PTPRN2: variants seen among roughly 807,000 people sequenced by gnomAD.
PTPRN2 encodes the protein receptor-type tyrosine-protein phosphatase N2.
Under a neutral mutation model 118.8 loss-of-function variants are expected in PTPRN2, and 74 were observed. The observed-to-expected ratio is 0.62, with a 90% CI of 0.52 to 0.76. PTPRN2 has a LOEUF of 0.76. PTPRN2 is among the 30% of genes least tolerant of loss of function. The pLI is 0.00. For synonymous variants in PTPRN2, 641 were observed against 608.0 expected, an observed-to-expected ratio of 1.05 and a Z score of -0.80; for missense variants, 1,481 against 1,394.4, an observed-to-expected ratio of 1.06 and a Z score of -0.99.
At chr7:157,920,658 C>A (rs1240645994) in intron 11 of PTPRN2, among the ~76,000 whole-genome samples, 1 of 152,154 alleles carries the variant, frequency 6.6e-6, no homozygotes, top group Non-Finnish European at 1.5e-5. Context: ...GGCAAAGCAG[C>A]AAGGGAACTC....
chr7:157,824,167 C>G (rs1031152177), intron 12 of PTPRN2, among the ~76,000 whole-genome samples: 7 of 152,162 alleles, frequency 4.6e-5, no homozygotes, highest in Non-Finnish European at 4.4e-5. Context: ...CTGTGACCCT[C>G]CTGAAGGTAG....
chr7:158,560,167 A>G (rs527599166), intron 1 of PTPRN2, among the ~76,000 whole-genome samples: 14 of 152,252 alleles, frequency 9.2e-5, no homozygotes, highest in Non-Finnish European at 2.1e-4. Context: ...AAGACTGGGT[A>G]ATAAGTCCAC....
intron 1 of PTPRN2, among the ~76,000 whole-genome samples, chr7:158,584,546 G>A (rs555264627): frequency 2.0e-5 from 3 of 152,288 alleles, no homozygotes; most frequent in African/African-American, 7.2e-5. Context: ...ATGTTCCCCT[G>A]TGTTCAGCTT....
chr7:158,532,540 C>A (rs959248885), intron 1 of PTPRN2, among the ~76,000 whole-genome samples: 4 of 152,046 alleles, frequency 2.6e-5, no homozygotes, highest in East Asian at 1.9e-4. Flanking sequence ...GTGGACCGTG[C>A]GTTATAATAA....
At chr7:157,655,240 C>A (rs550167050) in intron 14 of PTPRN2, among the ~76,000 whole-genome samples, 1 of 152,156 alleles carries the variant, frequency 6.6e-6, no homozygotes, top group Non-Finnish European at 1.5e-5. Flanking sequence ...TTAAGTTATC[C>A]AGGGAGAAGG....
rs186527796 is a variant in PTPRN2, at chr7:157,649,921, G to A, written c.2196+6436C>T. On this transcript the variant is annotated intron_variant, in intron 14 of 22. Transcript: ENST00000389418. ...CCATCCAGCGTGCACTGAACTCGGT[G>A]GGTCGGACCCATCCAGTGTGCACTG... Among the ~76,000 whole-genome samples the A allele has an allele frequency of 6.6e-3, 524 of 79,894 alleles. 16 individuals are homozygous for A. The highest frequency in any genetic ancestry group is 9.9e-3 in the South Asian group (30 of 3,030). 52.4% of individuals were successfully genotyped at this position (79,894 alleles called of 152,430 possible). A position where few individuals can be genotyped will look rare whatever the true frequency, so the allele number is the denominator to read the frequency against.
At chr7:157,960,668 A>G (rs1410310836) in intron 11 of PTPRN2, among the ~76,000 whole-genome samples, 1 of 152,260 alleles carries the variant, frequency 6.6e-6, no homozygotes, top group African/African-American at 2.4e-5. Context: ...TGAAAAGACC[A>G]AGATATTTTT....
intron 11 of PTPRN2, among the ~76,000 whole-genome samples, chr7:158,007,149 C>T (rs548697833): frequency 3.7e-4 from 56 of 152,328 alleles, no homozygotes; most frequent in Non-Finnish European, 2.6e-4. Context: ...GCCCACCCCA[C>T]GACCTCACAT....
intron 16 of PTPRN2, among the ~76,000 whole-genome samples, chr7:157,599,707 C>A (rs1294709501): frequency 6.6e-6 from 1 of 152,210 alleles, no homozygotes; most frequent in Non-Finnish European, 1.5e-5. Context: ...CCAGCCCCGG[C>A]CTCTGGCAGC....
At chr7:158,492,276 C>T (rs1452782353) in intron 1 of PTPRN2, among the ~76,000 whole-genome samples, 3 of 152,198 alleles carry the variant, frequency 2.0e-5, no homozygotes, top group African/African-American at 7.2e-5. Context: ...GCATCTCCAG[C>T]GTGGAGGAAC....
chr7:158,228,395 C>CA (rs1224991047), intron 3 of PTPRN2, among the ~76,000 whole-genome samples: 2 of 152,122 alleles, frequency 1.3e-5, no homozygotes, highest in African/African-American at 4.8e-5. Context: ...TGAGCAACAT[C>CA]AGAAGCTTTC....
intron 2 of PTPRN2, among the ~76,000 whole-genome samples, chr7:158,437,026 A>G (rs1260229044): frequency 6.6e-6 from 1 of 152,168 alleles, no homozygotes; most frequent in African/African-American, 2.4e-5. Context: ...CATAGCTCTC[A>G]TCGCCTCAAA....
intron 12 of PTPRN2, among the ~76,000 whole-genome samples, chr7:157,727,826 C>T (rs1799685091): frequency 6.6e-6 from 1 of 152,208 alleles, no homozygotes; most frequent in Non-Finnish European, 1.5e-5. Flanking sequence ...CTGCTGCTGG[C>T]CCTGCCTGAA....
chr7:157,720,855 G>A (rs561256381), intron 12 of PTPRN2, among the ~76,000 whole-genome samples: 1 of 152,330 alleles, frequency 6.6e-6, no homozygotes, highest in South Asian at 2.1e-4. Context: ...AGGGGACACC[G>A]TGTGACTGGC....
At chr7:158,236,641 G>A (rs527829523) in intron 3 of PTPRN2, among the ~76,000 whole-genome samples, 1 of 152,274 alleles carries the variant, frequency 6.6e-6, no homozygotes, top group African/African-American at 2.4e-5. Context: ...TCCCCACAGG[G>A]CCAGTGGAAC....
intron 3 of PTPRN2, among the ~76,000 whole-genome samples, chr7:158,266,484 G>A (rs1797891281): frequency 6.6e-6 from 1 of 151,574 alleles, no homozygotes. Flanking sequence ...TGGGGACGGT[G>A]TCCGCTGCAG....
At chr7:158,285,773 C>A (rs1247872058) in intron 3 of PTPRN2, among the ~76,000 whole-genome samples, 1 of 152,234 alleles carries the variant, frequency 6.6e-6, no homozygotes, top group Admixed American at 6.5e-5. Context: ...CTAACTCCGG[C>A]AAAACCTCAG....
At chr7:157,900,185 T>G (rs1232649488) in intron 11 of PTPRN2, among the ~76,000 whole-genome samples, 1 of 152,184 alleles carries the variant, frequency 6.6e-6, no homozygotes, top group African/African-American at 2.4e-5. Flanking sequence ...CCTTTTCCTG[T>G]GAAGGGCAGG....
At chr7:157,999,760 T>C (rs540268813) in intron 11 of PTPRN2, among the ~76,000 whole-genome samples, 1 of 152,334 alleles carries the variant, frequency 6.6e-6, no homozygotes, top group South Asian at 2.1e-4. Flanking sequence ...CTGCACTTTA[T>C]TAAATCTCAG....
Sources: allele counts gnomAD v4.1 joint callset (sites outside exome capture counted in the v4.1 genomes callset), GRCh38; gene constraint gnomAD v4.1.1; transcripts MANE v1.5; gene names NCBI Gene and HGNC (gene_info 2026-07-23, HGNC 2026-07-21).